BRIP1: variants seen among roughly 807,000 people sequenced by gnomAD.
BRIP1 encodes Fanconi anemia group J protein.
A neutral mutation model predicts 119.7 loss-of-function variants in BRIP1; 88 were observed. That is an observed-to-expected ratio of 0.74 (90% CI 0.62 to 0.88). BRIP1 has a LOEUF of 0.88. Ranked by LOEUF, BRIP1 falls within the 40% of genes least tolerant of loss-of-function variation. The pLI is 0.00. For missense variants in BRIP1, 1,259 were observed against 1,455.4 expected, an observed-to-expected ratio of 0.87 and a Z score of 2.20; for synonymous variants, 443 against 496.5, an observed-to-expected ratio of 0.89 and a Z score of 1.43.
Position 61,846,182 on chromosome 17 carries a change from CA to C in BRIP1, c.627+918del, listed in dbSNP as rs201032494. The stretch of plus-strand genomic sequence containing the variant: ...TGGGTGACAGAGCGATACTCCGTCT[CA>C]AAAAAAAATTAAAATAAATAAATTT... On this transcript the variant is annotated intron_variant, in intron 6 of 19. Coordinates refer to ENST00000259008, the MANE Select transcript of BRIP1 (RefSeq NM_032043.3). The surrounding 1 kb of genome is among the most constrained non-coding windows in gnomAD (Gnocchi z 4.3). Among the ~76,000 whole-genome samples the C allele has an allele frequency of 7.2e-6, 1 of 138,000 alleles. No individual in the cohort carries two copies. Among genetic ancestry groups the C allele is most frequent in the African/African-American group, 2.7e-5 (1 of 37,620 alleles). The allele number at this position is 138,000 out of a possible 152,430, so 90.5% of individuals were successfully genotyped here. A position where few individuals can be genotyped will look rare whatever the true frequency, so the allele number is the denominator to read the frequency against.
rs1322515471 is a variant in BRIP1, at chr17:61,781,557, AGAT to A, written c.1629-555_1629-553del. On this transcript the variant is annotated intron_variant, in intron 11 of 19. Transcript: ENST00000259008. ...CTACTTTTAATGAAGGTGCTGAACC[AGAT>A]GATATCTGTGATCCCATCCAGTGTA... Among the ~76,000 whole-genome samples, 3 of 152,334 alleles carry A rather than the reference AGAT, an allele frequency of 2.0e-5. No homozygotes were observed. In the East Asian group the frequency reaches 5.8e-4, roughly 29 times the overall value.
chr17:61,804,350 C>G lies in BRIP1; in HGVS notation c.919-2876G>C, dbSNP rs1277211594. Among the ~76,000 whole-genome samples, 5 of 150,336 alleles carry G rather than the reference C, an allele frequency of 3.3e-5. No individual in the cohort carries two copies. Among genetic ancestry groups the G allele is most frequent in the Admixed American group, 3.3e-4 (5 of 15,082 alleles). ...GTTTGCTATCCTTAACAAAAAACAA[C>G]CATACATAAAATATATAAATTATAT... On this transcript the variant is annotated intron_variant, in intron 7 of 19. Coordinates refer to ENST00000259008, the MANE Select transcript of BRIP1 (RefSeq NM_032043.3). The surrounding 1 kb of genome is among the most constrained non-coding windows in gnomAD (Gnocchi z 4.5).
At position 61,734,566 on chromosome 17, in the gene BRIP1, T is replaced by G. The variant is rs1461966509; in HGVS notation, c.2379+8447A>C. Among the ~76,000 whole-genome samples, 1 of 152,124 alleles carries G rather than the reference T, an allele frequency of 6.6e-6. No homozygotes were observed. Among genetic ancestry groups the G allele is most frequent in the African/African-American group, 2.4e-5 (1 of 41,424 alleles). On this transcript the variant is annotated intron_variant, in intron 16 of 19. Transcript: ENST00000259008. The surrounding 1 kb of genome is among the most constrained non-coding windows in gnomAD (Gnocchi z 5.2). ...TTTATTTTCAGGTCCCTCAGGTATG[T>G]GCAATAAATTATGACTTGAACTAAA...
At position 61,816,807 on chromosome 17, in the gene BRIP1, C is replaced by G. The variant is rs1448198069; in HGVS notation, c.628-8050G>C. 2.0e-5 allele frequency among the ~76,000 whole-genome samples: 3 copies of G among 151,960 alleles called. No homozygotes were observed. The highest frequency in any genetic ancestry group is 1.3e-4 in the Admixed American group (2 of 15,254). Reference sequence around the variant, plus strand: ...CAAAATGGGGAAGTGGGCGGGTAGGCGGAAAATATCTTCTTTAAATAAGAA... The same window carrying G: ...CAAAATGGGGAAGTGGGCGGGTAGGGGGAAAATATCTTCTTTAAATAAGAA... On this transcript the variant is annotated intron_variant, in intron 6 of 19. Transcript: ENST00000259008. This position sits in a 1 kb window ranked among gnomAD's most constrained non-coding sequence, Gnocchi z 5.0.
rs895900170 is a variant in BRIP1 at position 61,691,450 on chromosome 17, T to C, written c.2575+1980A>G. Among the ~76,000 whole-genome samples, 15 of 152,100 alleles carry C rather than the reference T, an allele frequency of 9.9e-5. No individual in the cohort carries two copies. The highest frequency in any genetic ancestry group is 2.2e-4 in the Non-Finnish European group (15 of 67,998). On this transcript the variant is annotated intron_variant, in intron 18 of 19. Coordinates refer to ENST00000259008, the MANE Select transcript of BRIP1 (RefSeq NM_032043.3). This position sits in a 1 kb window ranked among gnomAD's most constrained non-coding sequence, Gnocchi z 5.0. The stretch of plus-strand genomic sequence containing the variant: ...ACACCTAATATTGTCAGAATGTCCA[T>C]ACTACTGAAAGCAATCTTTTTTTGA...
rs1181845326 is a variant in BRIP1 at position 61,759,774 on chromosome 17, A to G, written c.2098-15183T>C. On this transcript the variant is annotated intron_variant, in intron 14 of 19. Transcript: ENST00000259008. This position sits in a 1 kb window ranked among gnomAD's most constrained non-coding sequence, Gnocchi z 4.9. ...AAAAAATACATACCTTAATTTTAAA[A>G]TACTTTATTGCTAAAAAAATGCTGA... Among the ~76,000 whole-genome samples, 1 of 152,102 alleles carries G rather than the reference A, an allele frequency of 6.6e-6. No individual in the cohort carries two copies. Among genetic ancestry groups the G allele is most frequent in the African/African-American group, 2.4e-5 (1 of 41,440 alleles).
chr17:61,685,559 T>A, intron 19 of BRIP1: 1 of 476,334 alleles, frequency 2.1e-6, no homozygotes, highest in Non-Finnish European at 3.7e-6. Flanking sequence ...CATTTTTTTT[T>A]TCCTATTACG....
chr17:61,688,940 A>G (rs1408913001), intron 18 of BRIP1, among the ~76,000 whole-genome samples: 1 of 151,990 alleles, frequency 6.6e-6, no homozygotes. Context: ...AAAATTCACT[A>G]CAGGGGTTCA....
chr17:61,852,252 G>A lies in BRIP1; in HGVS notation c.380-2996C>T, dbSNP rs1263725178. Among the ~76,000 whole-genome samples the A allele has an allele frequency of 6.6e-6, 1 of 152,182 alleles. No individual in the cohort carries two copies. The highest frequency in any genetic ancestry group is 1.5e-5 in the Non-Finnish European group (1 of 68,026). ...AAGGCTTATCTTCCTGGTCTTGATA[G>A]CAAGGGAGTTTGAAGGAAGTTCATC... On this transcript the variant is annotated intron_variant, in intron 4 of 19. Coordinates refer to ENST00000259008, the MANE Select transcript of BRIP1 (RefSeq NM_032043.3). The surrounding 1 kb of genome is among the most constrained non-coding windows in gnomAD (Gnocchi z 4.9).
chr17:61,810,725 T>C lies in BRIP1; in HGVS notation c.628-1968A>G, dbSNP rs2078149026. 6.6e-6 allele frequency among the ~76,000 whole-genome samples: 1 copy of C among 152,190 alleles called. No individual in the cohort carries two copies. Among genetic ancestry groups the C allele is most frequent in the South Asian group, 2.1e-4 (1 of 4,824 alleles). On this transcript the variant is annotated intron_variant, in intron 6 of 19. Transcript: ENST00000259008. The surrounding 1 kb of genome is among the most constrained non-coding windows in gnomAD (Gnocchi z 4.7). Reference sequence around the variant, plus strand: ...CTACTCCCTTTAATTTCACCTTTTCTCTTGGTCAAAAAAATTCAAACAATA... The same window carrying C: ...CTACTCCCTTTAATTTCACCTTTTCCCTTGGTCAAAAAAATTCAAACAATA...
rs2061662985 is a variant in BRIP1, at chr17:61,704,573, G to A, written c.2493-11061C>T. Among the ~76,000 whole-genome samples, 2 of 151,886 alleles carry A rather than the reference G, an allele frequency of 1.3e-5. No individual in the cohort carries two copies. The highest frequency in any genetic ancestry group is 4.2e-4 in the South Asian group (2 of 4,810). ...ATGTTATTTCTTCTTTAAATGTTTGGTAATATTTGTTAATGAACACATCTG... is the reference window on the plus strand; with the variant it reads ...ATGTTATTTCTTCTTTAAATGTTTGATAATATTTGTTAATGAACACATCTG... On this transcript the variant is annotated intron_variant, in intron 17 of 19. Coordinates refer to ENST00000259008, the MANE Select transcript of BRIP1 (RefSeq NM_032043.3). The surrounding 1 kb of genome is among the most constrained non-coding windows in gnomAD (Gnocchi z 5.7).
rs1219174127 is a variant in BRIP1, at chr17:61,693,970, A to C, written c.2493-458T>G. On this transcript the variant is annotated intron_variant, in intron 17 of 19. Transcript: ENST00000259008. The surrounding 1 kb of genome is among the most constrained non-coding windows in gnomAD (Gnocchi z 4.2). ...CTTCTTTTGACTGTTAATATGGTAG[A>C]TTACACTGGTTCATTTTCAAACACT... 1.3e-5 allele frequency among the ~76,000 whole-genome samples: 2 copies of C among 152,146 alleles called. No homozygotes were observed. The highest frequency in any genetic ancestry group is 3.8e-4 in the East Asian group (2 of 5,202).
chr17:61,762,855 T>C lies in BRIP1; in HGVS notation c.2097+13546A>G, dbSNP rs117965292. 1.1e-4 allele frequency among the ~76,000 whole-genome samples: 17 copies of C among 152,258 alleles called. No homozygotes were observed. In the East Asian group the frequency reaches 1.7e-3, roughly 16 times the overall value. On this transcript the variant is annotated intron_variant, in intron 14 of 19. Transcript: ENST00000259008. The surrounding 1 kb of genome is among the most constrained non-coding windows in gnomAD (Gnocchi z 4.3). ...CTCAAAACAGAATTACCTTATGATC[T>C]AGCAATCTCACTTCTGAGTATTTAC...
Position 61,844,891 on chromosome 17 carries a change from A to G in BRIP1, c.627+2210T>C, listed in dbSNP as rs563858125. Reference sequence around the variant, plus strand: ...GAGTTTCCTCATCTGTACGATGGGAATACCAATATACCTGCTTCATAATCA... The same window carrying G: ...GAGTTTCCTCATCTGTACGATGGGAGTACCAATATACCTGCTTCATAATCA... On this transcript the variant is annotated intron_variant, in intron 6 of 19. Coordinates refer to ENST00000259008, the MANE Select transcript of BRIP1 (RefSeq NM_032043.3). The surrounding 1 kb of genome is among the most constrained non-coding windows in gnomAD (Gnocchi z 4.7). 6.6e-6 allele frequency among the ~76,000 whole-genome samples: 1 copy of G among 152,358 alleles called. No individual in the cohort carries two copies. The highest frequency in any genetic ancestry group is 6.5e-5 in the Admixed American group (1 of 15,308).
chr17:61,683,121 A>T lies in BRIP1; in HGVS notation c.*175T>A, dbSNP rs2061291533. ...ATTCCAGCCTGGGCAACAGACCAAG[A>T]CTCTGTCTCAAAAAAAAAAACCCAA... On this transcript the variant is annotated 3_prime_UTR_variant, in exon 20 of 20. Transcript: ENST00000259008. This position sits in a 1 kb window ranked among gnomAD's most constrained non-coding sequence, Gnocchi z 4.7. 1 of 728,014 alleles carries T rather than the reference A, an allele frequency of 1.4e-6. No homozygotes were observed. Among genetic ancestry groups the T allele is most frequent in the Non-Finnish European group, 2.1e-6 (1 of 465,312 alleles). The allele number at this position is 728,014 out of a possible 1,614,324, so 45.1% of individuals were successfully genotyped here. A position where few individuals can be genotyped will look rare whatever the true frequency, so the allele number is the denominator to read the frequency against.
In BRIP1 at chr17:61,734,920, T is replaced by C. The variant is rs1007727280; in HGVS notation, c.2379+8093A>G. Among the ~76,000 whole-genome samples the C allele has an allele frequency of 1.4e-4, 22 of 152,218 alleles. No individual in the cohort carries two copies. The highest frequency in any genetic ancestry group is 5.3e-4 in the African/African-American group (22 of 41,454). On this transcript the variant is annotated intron_variant, in intron 16 of 19. Coordinates refer to ENST00000259008, the MANE Select transcript of BRIP1 (RefSeq NM_032043.3). The surrounding 1 kb of genome is among the most constrained non-coding windows in gnomAD (Gnocchi z 5.2). ...TAACCTTTTTAAATATGAAGTCAAATGAAATAGACAAAATAATGCAGAAAT... is the reference window on the plus strand; with the variant it reads ...TAACCTTTTTAAATATGAAGTCAAACGAAATAGACAAAATAATGCAGAAAT...
rs2144927974 is a variant in BRIP1 at position 61,767,842 on chromosome 17, C to T, written c.2097+8559G>A. Among the ~76,000 whole-genome samples, 1 of 152,300 alleles carries T rather than the reference C, an allele frequency of 6.6e-6. No individual in the cohort carries two copies. Among genetic ancestry groups the T allele is most frequent in the Non-Finnish European group, 1.5e-5 (1 of 68,006 alleles). On this transcript the variant is annotated intron_variant, in intron 14 of 19. Coordinates refer to ENST00000259008, the MANE Select transcript of BRIP1 (RefSeq NM_032043.3). The surrounding 1 kb of genome is among the most constrained non-coding windows in gnomAD (Gnocchi z 5.7). ...AATATTTTCTGTGCCTTTGCTAATA[C>T]ATGTCTCCTTGGTCCAGAATATTAT...
chr17:61,774,402 AG>A lies in BRIP1; in HGVS notation c.2097+1998del, dbSNP rs1447607054. 6.6e-6 allele frequency among the ~76,000 whole-genome samples: 1 copy of A among 152,120 alleles called. No individual in the cohort carries two copies. The highest frequency in any genetic ancestry group is 2.4e-5 in the African/African-American group (1 of 41,434). ...TTGAACAATGAGAACATGTGGACGC[AG>A]GGTAGGGAACATCACACACTGGGGC... On this transcript the variant is annotated intron_variant, in intron 14 of 19. Coordinates refer to ENST00000259008, the MANE Select transcript of BRIP1 (RefSeq NM_032043.3). This position sits in a 1 kb window ranked among gnomAD's most constrained non-coding sequence, Gnocchi z 5.8.
In BRIP1 at chr17:61,843,289, T is replaced by C. The variant is rs532446722; in HGVS notation, c.627+3812A>G. Among the ~76,000 whole-genome samples the C allele has an allele frequency of 3.9e-5, 6 of 152,280 alleles. No individual in the cohort carries two copies. Among genetic ancestry groups the C allele is most frequent in the South Asian group, 2.1e-4 (1 of 4,828 alleles). On this transcript the variant is annotated intron_variant, in intron 6 of 19. Coordinates refer to ENST00000259008, the MANE Select transcript of BRIP1 (RefSeq NM_032043.3). This position sits in a 1 kb window ranked among gnomAD's most constrained non-coding sequence, Gnocchi z 5.7. ...GGATGAATCAAGTCTAGAGATCTAA[T>C]GAACAGCATCATGACAACAGTTAAT...
Sources: gnomAD v4.1 joint callset for allele counts (sites outside exome capture counted in the v4.1 genomes callset) on GRCh38, gnomAD v4.1.1 for gene constraint, Gnocchi (gnomAD v3.1) non-coding constraint, MANE v1.5 for transcripts, NCBI Gene and HGNC (gene_info 2026-07-23, HGNC 2026-07-21) for gene names.